The following SCG2 variants were observed in gnomAD, a reference collection of about 807,000 sequenced individuals.
The protein encoded by SCG2 is secretogranin II.
Under a neutral mutation model 49.5 loss-of-function variants are expected in SCG2, and 23 were observed. The observed-to-expected ratio is 0.46, with a 90% confidence interval of 0.33 to 0.66. SCG2 has a LOEUF of 0.66. Ranked by LOEUF, SCG2 falls within the 30% of genes least tolerant of loss-of-function variation. The probability of loss-of-function intolerance (pLI) is 0.01; values close to 1 mark genes in which losing one functional copy is unlikely to be tolerated. For synonymous variants in SCG2, 288 were observed against 260.4 expected (o/e 1.11, Z -1.02); for missense variants, 730 against 728.2 (o/e 1.00, Z -0.03).
Position 223,598,997 on chromosome 2 carries a change from C to G in SCG2, c.286G>C (p.Glu96Gln), listed in dbSNP as rs944285940. ...GAATCCCTCTCGGGCAAGTGGCTTTCATCGCCATTTTCTTTTTGCTGAAGG... is the reference window on the plus strand; with the variant it reads ...GAATCCCTCTCGGGCAAGTGGCTTTGATCGCCATTTTCTTTTTGCTGAAGG... ...VPLQQKENGD[E>Q]SHLPERDSLS... The change falls in exon 2 of 2, where the codon GAA becomes CAA. Residue 96 changes from glutamate to glutamine, a missense_variant. Glu to Gln is a conservative substitution (Grantham distance 29, BLOSUM62 2). Coordinates refer to ENST00000305409, the MANE Select transcript of SCG2 (RefSeq NM_003469.5). The G allele has an allele frequency of 1.9e-6, 3 of 1,614,170 alleles. No individual in the cohort carries two copies.
At position 223,598,169 on chromosome 2, in the gene SCG2, C is replaced by G; in HGVS notation, c.1114G>C (p.Gly372Arg). The change falls in exon 2 of 2, where the codon GGG becomes CGG. Residue 372 changes from glycine to arginine, a missense_variant. By Grantham distance (125) the Gly-to-Arg change is moderately radical. Coordinates refer to ENST00000305409, the MANE Select transcript of SCG2 (RefSeq NM_003469.5). Reference sequence around the variant, plus strand: ...TCCACTGATCCATTCGGCTTCTCCCCAGTTTTGAGCATCTCAATTAAGTCT... The same window carrying G: ...TCCACTGATCCATTCGGCTTCTCCCGAGTTTTGAGCATCTCAATTAAGTCT... Reference protein sequence around the residue: ...PEDLIEMLKTGEKPNGSVEPE... With the variant: ...PEDLIEMLKTREKPNGSVEPE... 1 of 1,613,892 alleles carries G rather than the reference C, an allele frequency of 6.2e-7. No individual in the cohort carries two copies. Among genetic ancestry groups the G allele is most frequent in the Non-Finnish European group, 8.5e-7 (1 of 1,179,934 alleles).
At chr2:223,602,046 G>T (rs1045536831) in intron 1 of SCG2, 1 of 152,056 alleles carries the variant, frequency 6.6e-6, no homozygotes, top group Non-Finnish European at 1.5e-5. Flanking sequence ...TTTTTTATAT[G>T]ATTATCTAAG....
In SCG2 at chr2:223,598,738, G is replaced by T; in HGVS notation, c.545C>A (p.Thr182Lys). ...ENSRDNPFKRTNEIVEEQYTP... is the reference protein window; with the variant it reads ...ENSRDNPFKRKNEIVEEQYTP... ...ATATTGTTCCTCCACTATTTCATTT[G>T]TGCGTTTAAAGGGGTTATCCCTGGA... The change falls in exon 2 of 2, where the codon ACA (threonine) becomes AAA (lysine). Residue 182 changes from threonine (T) to lysine (K), a missense_variant. Physicochemically the swap from Thr to Lys is moderately conservative, Grantham distance 78 (BLOSUM62 -1). Transcript: ENST00000305409. 1.2e-6 allele frequency: 2 copies of T among 1,613,736 alleles called. No individual in the cohort carries two copies. The highest frequency in any genetic ancestry group is 1.3e-5 in the African/African-American group (1 of 75,020).
In SCG2 at chr2:223,598,298, C is replaced by G. The variant is rs199696094; in HGVS notation, c.985G>C (p.Gly329Arg). 2 of 1,614,096 alleles carry G rather than the reference C, an allele frequency of 1.2e-6. No homozygotes were observed. Among genetic ancestry groups the G allele is most frequent in the East Asian group, 2.2e-5 (1 of 44,882 alleles). The change falls in exon 2 of 2, where the codon GGG (glycine) becomes CGG (arginine). Residue 329 changes from glycine (G) to arginine (R), a missense_variant. Physicochemically the swap from Gly to Arg is moderately radical, Grantham distance 125. Coordinates refer to ENST00000305409, the MANE Select transcript of SCG2 (RefSeq NM_003469.5). ...CTGGTGGCCCTTTCCCCATTTTGCC[C>G]ATTCTGTAACCTCCCACTTCCTGCA... is the stretch of plus-strand genomic sequence containing the variant. ...NAAGSGRLQN[G>R]QNGERATRLF...
At chr2:223,602,154 G>A (rs1206557147) in intron 1 of SCG2, 131 bp downstream of exon 1, 1 of 152,156 alleles carries the variant, frequency 6.6e-6, no homozygotes. Context: ...TGGCTGATGA[G>A]CAGCAGGTTG....
Position 223,597,706 on chromosome 2 carries a change from C to T in SCG2, c.1577G>A (p.Arg526Gln). 4 of 1,614,136 alleles carry T rather than the reference C, an allele frequency of 2.5e-6. No homozygotes were observed. Among genetic ancestry groups the T allele is most frequent in the South Asian group, 2.2e-5 (2 of 91,080 alleles). Residue 526 changes from arginine (R) to glutamine (Q), a missense_variant, in exon 2 of 2, where the codon CGA becomes CAA. Physicochemically the swap from Arg to Gln is conservative, Grantham distance 43 (BLOSUM62 1). Coordinates refer to ENST00000305409, the MANE Select transcript of SCG2 (RefSeq NM_003469.5). ...PEIINSNQVK[R>Q]VPGQGSSEDD... ...TTCAGATGAGCCTTGACCAGGAACTCGCTTCACTTGGTTTGAATTAATGAT... is the reference window on the plus strand; with the variant it reads ...TTCAGATGAGCCTTGACCAGGAACTTGCTTCACTTGGTTTGAATTAATGAT...
Position 223,597,928 on chromosome 2 carries a change from TACG to T in SCG2, c.1352_1354del (p.Ser451del). 1 of 1,614,070 alleles carries T rather than the reference TACG, an allele frequency of 6.2e-7. No homozygotes were observed. Among genetic ancestry groups the T allele is most frequent in the Non-Finnish European group, 8.5e-7 (1 of 1,180,008 alleles). ...CTCCTGGTTATATGGATTGGGAAAA[TACG>T]ACGTTTTCTGATTTGCTGCACTCTC... On this transcript the variant is annotated inframe_deletion, in exon 2 of 2. Coordinates refer to ENST00000305409, the MANE Select transcript of SCG2 (RefSeq NM_003469.5).
intron 1 of SCG2, among the ~76,000 whole-genome samples, chr2:223,601,574 T>C (rs368113848): frequency 3.7e-4 from 56 of 152,304 alleles, no homozygotes; most frequent in South Asian, 6.2e-4. Flanking sequence ...AGTATTTTCA[T>C]CATGTATTCA....
Position 223,599,312 on chromosome 2 carries a change from A to G in SCG2, c.-14-16T>C, listed in dbSNP as rs1691354615. On this transcript the variant is annotated splice_polypyrimidine_tract_variant and intron_variant, in intron 1 of 1. Coordinates refer to ENST00000305409, the MANE Select transcript of SCG2 (RefSeq NM_003469.5). The stretch of plus-strand genomic sequence containing the variant: ...GAAAGATTTCCTTAAAACATAAAAA[A>G]TATGAGTTACACAAATGAAACAAAC... 6.5e-7 allele frequency: 1 copy of G among 1,532,932 alleles called. No individual in the cohort carries two copies. The highest frequency in any genetic ancestry group is 2.1e-5 in the Admixed American group (1 of 47,288). The allele number at this position is 1,532,932 out of a possible 1,614,324, so 95.0% of individuals were successfully genotyped here.
chr2:223,598,699 A>C lies in SCG2; in HGVS notation c.584T>G (p.Leu195Arg). 1 of 1,613,954 alleles carries C rather than the reference A, an allele frequency of 6.2e-7. No individual in the cohort carries two copies. The highest frequency in any genetic ancestry group is 8.5e-7 in the Non-Finnish European group (1 of 1,180,038). ...IVEEQYTPQS[L>R]ATLESVFQEL... ...TTGGAAGACAGATTCCAATGTAGCA[A>C]GGCTTTGAGGAGTATATTGTTCCTC... The change falls in exon 2 of 2, where the codon CTT becomes CGT. Residue 195 changes from leucine (L) to arginine (R), a missense_variant. Transcript: ENST00000305409.
In SCG2 at chr2:223,597,564, G is replaced by T; in HGVS notation, c.1719C>A (p.Pro573=). The T allele has an allele frequency of 6.2e-7, 1 of 1,614,024 alleles. No homozygotes were observed. The highest frequency in any genetic ancestry group is 8.5e-7 in the Non-Finnish European group (1 of 1,179,998). Residue 573 remains proline, a synonymous_variant, in exon 2 of 2, where the codon CCC becomes CCA. Transcript: ENST00000305409. ...APVSKRFPVG[P]PKNDDTPNRQ... ...TATTTGGGGTATCATCATTCTTCGG[G>T]GGCCCCACAGGGAACCTTTTGCTCA...
In SCG2 at chr2:223,598,897, G is replaced by A; in HGVS notation, c.386C>T (p.Pro129Leu). Residue 129 changes from proline to leucine, a missense_variant, in exon 2 of 2, where the codon CCA (proline) becomes CTA (leucine). Physicochemically the swap from Pro to Leu is moderately conservative, Grantham distance 98. Coordinates refer to ENST00000305409, the MANE Select transcript of SCG2 (RefSeq NM_003469.5). ...RQAENEPQSA[P>L]KENKPYALNS... ...CAAGGCATAGGGCTTATTTTCTTTT[G>A]GTGCAGACTGAGGCTCATTTTCAGC... 1 of 1,614,072 alleles carries A rather than the reference G, an allele frequency of 6.2e-7. No individual in the cohort carries two copies. The highest frequency in any genetic ancestry group is 8.5e-7 in the Non-Finnish European group (1 of 1,180,012).
At position 223,599,218 on chromosome 2, in the gene SCG2, A is replaced by G; in HGVS notation, c.65T>C (p.Ile22Thr). The change falls in exon 2 of 2, where the codon ATC becomes ACC. Residue 22 changes from isoleucine to threonine, a missense_variant. Physicochemically the swap from Ile to Thr is moderately conservative, Grantham distance 89. Transcript: ENST00000305409. Reference protein sequence around the residue: ...ALSLIPLIFLISGAEAASFQR... With the variant: ...ALSLIPLIFLTSGAEAASFQR... ...AAATGAAGCTGCTTCAGCCCCAGAG[A>G]TGAGGAAAATTAAAGGGATAAGAGA... 1.9e-6 allele frequency: 3 copies of G among 1,610,136 alleles called. No individual in the cohort carries two copies. Among genetic ancestry groups the G allele is most frequent in the East Asian group, 2.2e-5 (1 of 44,736 alleles).
rs1247924050 is a variant in SCG2 at position 223,598,000 on chromosome 2, G to T, written c.1283C>A (p.Pro428Gln). The change falls in exon 2 of 2, where the codon CCA (proline) becomes CAA (glutamine). Residue 428 changes from proline (P) to glutamine (Q), a missense_variant. By Grantham distance (76) the Pro-to-Gln change is moderately conservative (BLOSUM62 -1). Transcript: ENST00000305409. ...TPGRAGTEAL[P>Q]DGLSVEDILN... ...AATATCCTCAACACTGAGCCCGTCT[G>T]GTAGGGCCTCAGTCCCAGCACGACC... 1.9e-6 allele frequency: 3 copies of T among 1,613,966 alleles called. No homozygotes were observed. Among genetic ancestry groups the T allele is most frequent in the African/African-American group, 1.3e-5 (1 of 75,028 alleles).
At position 223,597,306 on chromosome 2, in the gene SCG2, T is replaced by C; in HGVS notation, c.*123A>G. 1.6e-6 allele frequency: 2 copies of C among 1,279,428 alleles called. No homozygotes were observed. The highest frequency in any genetic ancestry group is 2.1e-6 in the Non-Finnish European group (2 of 941,724). The allele number at this position is 1,279,428 out of a possible 1,614,324, so 79.3% of individuals were successfully genotyped here. A position where few individuals can be genotyped will look rare whatever the true frequency, so the allele number is the denominator to read the frequency against. On this transcript the variant is annotated 3_prime_UTR_variant, in exon 2 of 2. Transcript: ENST00000305409. ...CAGACTCCCCAGTGACCTGGTTTCATCTGCCTGTACATCATTTAAAGATAT... is the reference window on the plus strand; with the variant it reads ...CAGACTCCCCAGTGACCTGGTTTCACCTGCCTGTACATCATTTAAAGATAT...
In SCG2 at chr2:223,598,059, C is replaced by T; in HGVS notation, c.1224G>A (p.Arg408=). The T allele has an allele frequency of 6.2e-7, 1 of 1,605,646 alleles. No individual in the cohort carries two copies. Among genetic ancestry groups the T allele is most frequent in the Non-Finnish European group, 8.5e-7 (1 of 1,175,922 alleles). ...DLDHPDLFQN[R]MLSKSGYPKT... is the part of the protein sequence containing the mutation. ...TAGGGTAGCCACTCTTGGAGAGCAT[C>T]CTATTTTGGAACAGGTCTGGATGGT... Residue 408 remains arginine (R), a synonymous_variant, in exon 2 of 2, where the codon AGG becomes AGA. Coordinates refer to ENST00000305409, the MANE Select transcript of SCG2 (RefSeq NM_003469.5).
intron 1 of SCG2, among the ~76,000 whole-genome samples, chr2:223,600,063 T>C (rs764346037): frequency 4.6e-5 from 7 of 152,236 alleles, no homozygotes; most frequent in Non-Finnish European, 7.3e-5. Context: ...AATAAAGTGT[T>C]TTAAAATCTC....
chr2:223,599,393 G>C (rs938725899), intron 1 of SCG2, 97 bp from the exon 2 acceptor site: 1 of 981,936 alleles, frequency 1.0e-6, no homozygotes, highest in Admixed American at 2.9e-5. Flanking sequence ...AAAAAACATA[G>C]TAGATATTAT....
In SCG2 at chr2:223,597,547, G is replaced by A. The variant is rs1691316254; in HGVS notation, c.1736C>T (p.Thr579Ile). ...FPVGPPKNDDTPNRQYWDEDL... is the reference protein window; with the variant it reads ...FPVGPPKNDDIPNRQYWDEDL... ...TTCATCCCAGTACTGCCTATTTGGGGTATCATCATTCTTCGGGGGCCCCAC... is the reference window on the plus strand; with the variant it reads ...TTCATCCCAGTACTGCCTATTTGGGATATCATCATTCTTCGGGGGCCCCAC... The change falls in exon 2 of 2, where the codon ACC becomes ATC. Residue 579 changes from threonine (T) to isoleucine (I), a missense_variant. Transcript: ENST00000305409. The A allele has an allele frequency of 6.2e-7, 1 of 1,614,108 alleles. No individual in the cohort carries two copies. The highest frequency in any genetic ancestry group is 1.1e-5 in the South Asian group (1 of 91,054).
Sources: allele counts gnomAD v4.1 joint callset (sites outside exome capture counted in the v4.1 genomes callset), GRCh38; gene constraint gnomAD v4.1.1; transcripts MANE v1.5; gene names NCBI Gene and HGNC (gene_info 2026-07-23, HGNC 2026-07-21).